CTNNA2: variants seen among roughly 807,000 people sequenced by gnomAD.
The protein encoded by CTNNA2 is catenin alpha-2.
Under a neutral mutation model 101.0 loss-of-function variants are expected in CTNNA2, and 42 were observed. The ratio of observed to expected loss-of-function variants is 0.42; its 90% CI spans 0.32 to 0.54. The LOEUF (loss-of-function observed/expected upper bound fraction) is 0.54. Among genes scored for constraint, CTNNA2 ranks in the 20% least tolerant of loss-of-function variants. CTNNA2 has a pLI of 0.14. For synonymous variants in CTNNA2, 450 were observed against 456.4 expected (o/e 0.99, Z 0.18); for missense variants, 871 against 1,223.1 (o/e 0.71, Z 4.29).
intron 6 of CTNNA2, among the ~76,000 whole-genome samples, chr2:79,886,770 A>G (rs1488607289): frequency 6.7e-6 from 1 of 149,038 alleles, no homozygotes; most frequent in African/African-American, 2.5e-5. Context: ...AAAAAAAAAA[A>G]AAAAAAGAAG....
At chr2:80,396,327 G>A (rs1394489742) in intron 8 of CTNNA2, among the ~76,000 whole-genome samples, 1 of 152,128 alleles carries the variant, frequency 6.6e-6, no homozygotes, top group Non-Finnish European at 1.5e-5. Context: ...ATCCTCCTAA[G>A]GAGTATTTTG....
chr2:79,854,557 A>T (rs1186760449), intron 3 of CTNNA2, among the ~76,000 whole-genome samples: 1 of 152,262 alleles, frequency 6.6e-6, no homozygotes, highest in African/African-American at 2.4e-5. Flanking sequence ...TTTTTCATCC[A>T]TGAGTTAATA....
At chr2:79,744,085 T>A (rs1671478786) in intron 2 of CTNNA2, among the ~76,000 whole-genome samples, 1 of 152,156 alleles carries the variant, frequency 6.6e-6, no homozygotes, top group Non-Finnish European at 1.5e-5. Flanking sequence ...ACTGTACCTG[T>A]CAGTCTGTAA....
At chr2:79,577,613 A>G (rs1675879992) in intron 1 of CTNNA2, among the ~76,000 whole-genome samples, 1 of 152,044 alleles carries the variant, frequency 6.6e-6, no homozygotes, top group African/African-American at 2.4e-5. Context: ...TTTTGTAGAT[A>G]GTCTAAGTAT....
chr2:80,098,835 G>A (rs545425612), intron 7 of CTNNA2, among the ~76,000 whole-genome samples: 37 of 152,296 alleles, frequency 2.4e-4, no homozygotes, highest in South Asian at 1.7e-3. Context: ...CTGGTGTGCC[G>A]TTTGTTAAGC....
At chr2:80,619,434 G>A (rs147572449) in intron 18 of CTNNA2, among the ~76,000 whole-genome samples, 1 of 151,972 alleles carries the variant, frequency 6.6e-6, no homozygotes, top group Middle Eastern at 3.4e-3. Context: ...CTAAACTTGA[G>A]AAGTGAAAAA....
intron 7 of CTNNA2, among the ~76,000 whole-genome samples, chr2:79,968,293 A>C (rs1400687728): frequency 6.6e-6 from 1 of 152,210 alleles, no homozygotes; most frequent in Non-Finnish European, 1.5e-5. Flanking sequence ...GGTCATTTTC[A>C]GTCTCAGAAC....
intron 3 of CTNNA2, among the ~76,000 whole-genome samples, chr2:79,823,285 G>T (rs1464973961): frequency 6.6e-6 from 1 of 152,164 alleles, no homozygotes; most frequent in Non-Finnish European, 1.5e-5. Context: ...TAGGATATTT[G>T]TGAATATCTA....
chr2:79,426,889 T>G lies in CTNNA2; in HGVS notation c.-135+52876T>G, dbSNP rs1678597427. ...AGATAAATAGACAAGATTCTGCCCT[T>G]AAGAGATAAAATGTTACTGATTGCT... On this transcript the variant is annotated intron_variant, in intron 4 of 21. Coordinates refer to the CTNNA2 transcript ENST00000466387. Among the ~76,000 whole-genome samples, 3 of 152,130 alleles carry G rather than the reference T, an allele frequency of 2.0e-5. No individual in the cohort carries two copies. The South Asian group carries it at 6.2e-4, about 31-fold the overall frequency.
intron 7 of CTNNA2, among the ~76,000 whole-genome samples, chr2:80,200,042 T>C (rs1166361296): frequency 1.3e-5 from 2 of 152,126 alleles, no homozygotes; most frequent in Non-Finnish European, 2.9e-5. Flanking sequence ...TTGGAGACAT[T>C]TGAAACAACT....
chr2:79,414,471 A>G (rs1418210177), intron 4 of CTNNA2, among the ~76,000 whole-genome samples: 1 of 152,074 alleles, frequency 6.6e-6, no homozygotes, highest in African/African-American at 2.4e-5. Flanking sequence ...TATATACTAT[A>G]TCCCCCATAA....
intron 7 of CTNNA2, among the ~76,000 whole-genome samples, chr2:79,965,465 C>G (rs1689974124): frequency 1.3e-5 from 2 of 152,058 alleles, no homozygotes; most frequent in Non-Finnish European, 2.9e-5. Context: ...AGACTTTAGT[C>G]TCTAAGTAAA....
rs17339807 is a variant in CTNNA2 at position 80,014,444 on chromosome 2, T to C, written c.1056+104647T>C. 7.8e-3 allele frequency among the ~76,000 whole-genome samples: 1,184 copies of C among 152,150 alleles called. 15 individuals carry two copies. The highest frequency in any genetic ancestry group is 0.017 in the Middle Eastern group (5 of 294). ...CTAATCTTTTGAGACATATATTTTC[T>C]ATAATAAAGCCTTATGCTTATGTAA... On this transcript the variant is annotated intron_variant, in intron 7 of 18. Coordinates refer to ENST00000402739, the MANE Select transcript of CTNNA2 (RefSeq NM_001282597.3).
intron 3 of CTNNA2, among the ~76,000 whole-genome samples, chr2:79,785,107 G>T (rs1045359130): frequency 3.3e-5 from 5 of 152,100 alleles, no homozygotes; most frequent in Non-Finnish European, 7.3e-5. Context: ...CCTCCTATTT[G>T]CTTCTCTTTC....
chr2:79,717,789 A>C (rs373935107), intron 2 of CTNNA2, among the ~76,000 whole-genome samples: 2 of 152,314 alleles, frequency 1.3e-5, no homozygotes, highest in African/African-American at 4.8e-5. Flanking sequence ...GGGTAGGGCC[A>C]ACGTCAGAGA....
intron 15 of CTNNA2, among the ~76,000 whole-genome samples, chr2:80,589,860 CTGTGTG>C (rs59206973): frequency 0.063 from 8,790 of 140,498 alleles, 263 homozygotes; most frequent in South Asian, 0.13. Flanking sequence ...ATATGTACCT[CTGTGTG>C]TGTGTGTGTG....
intron 7 of CTNNA2, among the ~76,000 whole-genome samples, chr2:80,383,472 C>T (rs150369683): frequency 5.6e-4 from 85 of 152,166 alleles, no homozygotes; most frequent in Non-Finnish European, 2.2e-4. Flanking sequence ...ATTCTGCAGC[C>T]GCACAAAAAC....
intron 7 of CTNNA2, among the ~76,000 whole-genome samples, chr2:80,276,440 T>C (rs1343083557): frequency 6.6e-6 from 1 of 152,172 alleles, no homozygotes; most frequent in African/African-American, 2.4e-5. Context: ...AGTGTCTTTG[T>C]CCATTTGCGT....
At chr2:80,579,024 G>A (rs578222352) in intron 13 of CTNNA2, 2 of 152,152 alleles carry the variant, frequency 1.3e-5, no homozygotes, top group African/African-American at 4.8e-5. Context: ...GTCCTGTGGG[G>A]CAGAAAGTGC....
Sources: allele counts gnomAD v4.1 joint callset (sites outside exome capture counted in the v4.1 genomes callset), GRCh38; gene constraint gnomAD v4.1.1; transcripts MANE v1.5; gene names NCBI Gene and HGNC (gene_info 2026-07-23, HGNC 2026-07-21).